CCDC102B: variants seen among roughly 807,000 people sequenced by gnomAD.
CCDC102B encodes coiled-coil domain containing 102B, also known as coiled-coil domain-containing protein 102B.
In CCDC102B, 75 loss-of-function variants were observed where a neutral mutation model predicts 57.4. That is an observed-to-expected ratio of 1.31 (90% CI 1.08 to 1.58). CCDC102B has a LOEUF of 1.58. Ranked by LOEUF, CCDC102B falls within the 40% of genes most tolerant of loss-of-function variation. The probability of loss-of-function intolerance (pLI) is 0.00; values close to 1 mark genes in which losing one functional copy is unlikely to be tolerated. For missense variants in CCDC102B, 636 were observed against 582.6 expected (o/e 1.09, Z -0.94); for synonymous variants, 206 against 201.9 (o/e 1.02, Z -0.17).
chr18:68,913,844 A>ATGAATAAATT (rs1358464629), intron 6 of CCDC102B, among the ~76,000 whole-genome samples: 1 of 152,152 alleles, frequency 6.6e-6, no homozygotes, highest in Non-Finnish European at 1.5e-5. Flanking sequence ...TTTCCAATAT[A>ATGAATAAATT]TGAATAAATT....
At chr18:68,825,853 A>C (rs893533301) in intron 1 of CCDC102B, among the ~76,000 whole-genome samples, 2 of 152,190 alleles carry the variant, frequency 1.3e-5, no homozygotes, top group African/African-American at 4.8e-5. Context: ...TTGTACTTAC[A>C]GGTAGTCATG....
chr18:68,839,711 G>A (rs1264297083), intron 3 of CCDC102B, among the ~76,000 whole-genome samples: 2 of 152,140 alleles, frequency 1.3e-5, no homozygotes, highest in African/African-American at 2.4e-5. Context: ...CTATGCCTCA[G>A]TTGGGACACC....
intron 6 of CCDC102B, among the ~76,000 whole-genome samples, chr18:68,899,369 A>G (rs547980531): frequency 1.8e-4 from 27 of 152,136 alleles, no homozygotes; most frequent in African/African-American, 6.3e-4. Context: ...TTTTAACATT[A>G]TTTCAATAAG....
chr18:68,977,555 C>G (rs1000797187), intron 6 of CCDC102B, among the ~76,000 whole-genome samples: 1 of 147,826 alleles, frequency 6.8e-6, no homozygotes, highest in Admixed American at 6.7e-5. Context: ...AACTATAGCA[C>G]TAAAAAAAAA....
chr18:68,980,971 C>A (rs1025743752), intron 6 of CCDC102B, among the ~76,000 whole-genome samples: 2 of 151,878 alleles, frequency 1.3e-5, no homozygotes, highest in African/African-American at 4.8e-5. Flanking sequence ...ATTATAAGTC[C>A]CAATAAGGAG....
At chr18:68,953,366 T>C (rs1423948161) in intron 6 of CCDC102B, among the ~76,000 whole-genome samples, 1 of 151,146 alleles carries the variant, frequency 6.6e-6, no homozygotes, top group Non-Finnish European at 1.5e-5. Flanking sequence ...TTTTTTTTTT[T>C]TTTTTTTTGA....
At chr18:68,751,766 A>G (rs970313687) in intron 2 of CCDC102B, among the ~76,000 whole-genome samples, 3 of 152,186 alleles carry the variant, frequency 2.0e-5, no homozygotes, top group Non-Finnish European at 2.9e-5. Context: ...TTCCAGAGAG[A>G]AAAAGAGGAA....
chr18:69,009,993 G>A (rs2051464933), intron 6 of CCDC102B, among the ~76,000 whole-genome samples: 1 of 127,438 alleles, frequency 7.8e-6, no homozygotes, highest in East Asian at 2.3e-4. Flanking sequence ...GTGCTGTGGC[G>A]CTATCTCGGC....
intron 2 of CCDC102B, among the ~76,000 whole-genome samples, chr18:68,772,139 A>G (rs2144615302): frequency 6.6e-6 from 1 of 152,314 alleles, no homozygotes; most frequent in South Asian, 2.1e-4. Context: ...CAAAGATCCA[A>G]AAGTTCTCAA....
intron 2 of CCDC102B, among the ~76,000 whole-genome samples, chr18:68,737,922 T>C (rs541581882): frequency 2.6e-5 from 4 of 152,204 alleles, no homozygotes; most frequent in African/African-American, 7.2e-5. Context: ...TTTGTGCACA[T>C]TGGAAGTACA....
At chr18:68,937,326 A>T (rs2049267103) in intron 6 of CCDC102B, among the ~76,000 whole-genome samples, 1 of 152,036 alleles carries the variant, frequency 6.6e-6, no homozygotes, top group South Asian at 2.1e-4. Flanking sequence ...TCAAAAAGAT[A>T]CTTGTTCACA....
chr18:68,967,876 T>G (rs1379170433), intron 6 of CCDC102B, among the ~76,000 whole-genome samples: 1 of 152,124 alleles, frequency 6.6e-6, no homozygotes, highest in Admixed American at 6.6e-5. Context: ...GAGGGAGTCA[T>G]TTTTTGTATA....
intron 2 of CCDC102B, among the ~76,000 whole-genome samples, 180 bp downstream of exon 2, chr18:68,837,549 A>G (rs1302268822): frequency 3.3e-5 from 5 of 152,212 alleles, no homozygotes; most frequent in Non-Finnish European, 7.3e-5. Flanking sequence ...TGTAGAAGCT[A>G]GAAGTACAAG....
At chr18:68,893,921 A>G (rs2040160765) in intron 5 of CCDC102B, among the ~76,000 whole-genome samples, 1 of 152,104 alleles carries the variant, frequency 6.6e-6, no homozygotes, top group Non-Finnish European at 1.5e-5. Context: ...CCATAACTGC[A>G]CAGACTCTTC....
chr18:69,032,256 A>T (rs1450098728), intron 7 of CCDC102B, among the ~76,000 whole-genome samples: 1 of 152,190 alleles, frequency 6.6e-6, no homozygotes, highest in Non-Finnish European at 1.5e-5. Context: ...AAAATAGTGA[A>T]TGATGGATTA....
intron 2 of CCDC102B, among the ~76,000 whole-genome samples, chr18:68,768,434 A>T (rs538688160): frequency 6.6e-6 from 1 of 152,198 alleles, no homozygotes; most frequent in Non-Finnish European, 1.5e-5. Context: ...TACAGTCATG[A>T]CATTATTCTT....
chr18:69,025,688 A>G (rs1475299704), intron 7 of CCDC102B, among the ~76,000 whole-genome samples: 3 of 152,322 alleles, frequency 2.0e-5, no homozygotes, highest in East Asian at 3.9e-4. Context: ...AGGGAAAAAT[A>G]TGATTCTGTC....
intron 2 of CCDC102B, among the ~76,000 whole-genome samples, chr18:68,725,539 T>G (rs1275935281): frequency 6.6e-6 from 1 of 152,192 alleles, no homozygotes; most frequent in Non-Finnish European, 1.5e-5. Context: ...CCTTGACAAC[T>G]TCTGTCTGGG....
intron 7 of CCDC102B, among the ~76,000 whole-genome samples, chr18:69,052,441 T>C (rs2052730880): frequency 6.6e-6 from 1 of 151,994 alleles, no homozygotes; most frequent in African/African-American, 2.4e-5. Context: ...GCTAGCCATG[T>C]CTCAAGAGAA....
Sources: gnomAD v4.1 joint callset for allele counts (sites outside exome capture counted in the v4.1 genomes callset) on GRCh38, gnomAD v4.1.1 for gene constraint, MANE v1.5 for transcripts, NCBI Gene and HGNC (gene_info 2026-07-23, HGNC 2026-07-21) for gene names.